TECPR2: variants seen among roughly 807,000 people sequenced by gnomAD.
TECPR2 encodes tectonin beta-propeller repeat containing 2, also known as tectonin beta-propeller repeat-containing protein 2.
In TECPR2, 65 loss-of-function variants were observed where a neutral mutation model predicts 138.1. The ratio of observed to expected loss-of-function variants is 0.47; its 90% CI spans 0.39 to 0.58. The LOEUF (loss-of-function observed/expected upper bound fraction) is 0.58. TECPR2 is among the 20% of genes least tolerant of loss of function. TECPR2 has a pLI of 0.00. For missense variants in TECPR2, 1,553 were observed against 1,824.5 expected (o/e 0.85, Z 2.71); for synonymous variants, 746 against 749.8 (o/e 0.99, Z 0.08).
chr14:102,428,122 G>C (rs1889373531), intron 6 of TECPR2, 128 bp from the exon 7 acceptor site: 5 of 1,256,186 alleles, frequency 4.0e-6, no homozygotes, highest in Non-Finnish European at 4.3e-6. Context: ...TTTTCAGAAA[G>C]TTACCATAGT....
chr14:102,398,072 C>CAAAAAAAAAAAAAAAAAAAAAA (rs560266373), intron 2 of TECPR2, among the ~76,000 whole-genome samples: 9 of 45,618 alleles, frequency 2.0e-4, no homozygotes, highest in Non-Finnish European at 2.3e-4. Flanking sequence ...GATTCTGTCT[C>CAAAAAAAAAAAAAAAAAAAAAA]AAAAAAAAAA....
rs774139446 is a variant in TECPR2 at position 102,501,409 on chromosome 14, A to C, written c.*3152A>C. The C allele has an allele frequency of 1.3e-5, 2 of 152,226 alleles. No individual in the cohort carries two copies. Among genetic ancestry groups the C allele is most frequent in the Non-Finnish European group, 2.9e-5 (2 of 68,058 alleles). The allele number at this position is 152,226 out of a possible 1,614,324, so 9.4% of individuals were successfully genotyped here. On this transcript the variant is annotated 3_prime_UTR_variant, in exon 20 of 20. Coordinates refer to ENST00000359520, the MANE Select transcript of TECPR2 (RefSeq NM_014844.5). ...TACAGAAATGCTGCTGGGCACAGTG[A>C]TGTGCAGTTATAGTCCCAGCTACTT...
At chr14:102,480,645 A>G (rs1356667744) in intron 17 of TECPR2, among the ~76,000 whole-genome samples, 1 of 151,592 alleles carries the variant, frequency 6.6e-6, no homozygotes, top group Non-Finnish European at 1.5e-5. Flanking sequence ...TCAGCCTCCA[A>G]AATGGCTAGG....
At chr14:102,386,459 G>A (rs1284744796) in intron 2 of TECPR2, among the ~76,000 whole-genome samples, 1 of 152,140 alleles carries the variant, frequency 6.6e-6, no homozygotes, top group Non-Finnish European at 1.5e-5. Flanking sequence ...GACAGAGCAA[G>A]ACTCTGTCTC....
chr14:102,456,072 T>C (rs1162114935), intron 16 of TECPR2, among the ~76,000 whole-genome samples: 1 of 152,188 alleles, frequency 6.6e-6, no homozygotes, highest in African/African-American at 2.4e-5. Flanking sequence ...CTCTCCTTTC[T>C]AATGGGAGCA....
chr14:102,425,066 A>T lies in TECPR2; in HGVS notation c.726A>T (p.Leu242=), dbSNP rs748794723. 7 of 1,613,996 alleles carry T rather than the reference A, an allele frequency of 4.3e-6. No individual in the cohort carries two copies. Among genetic ancestry groups the T allele is most frequent in the Admixed American group, 1.7e-5 (1 of 59,988 alleles). Residue 242 remains leucine, a synonymous_variant, in exon 6 of 20, where the codon CTA becomes CTT. Coordinates refer to ENST00000359520, the MANE Select transcript of TECPR2 (RefSeq NM_014844.5). ...TLYASRPGLR[L]WKADVHGTVQ... ...ATGCGTCACGGCCCGGGCTCCGGCT[A>T]TGGAAGGCTGATGTCCACGGGACTG...
intron 6 of TECPR2, among the ~76,000 whole-genome samples, chr14:102,427,861 C>T (rs957934313): frequency 6.6e-6 from 1 of 152,116 alleles, no homozygotes; most frequent in Admixed American, 6.5e-5. Context: ...ACAGAGGTGG[C>T]GTCTGGAGAG....
At chr14:102,446,194 G>C (rs1889975604) in intron 13 of TECPR2, among the ~76,000 whole-genome samples, 1 of 152,012 alleles carries the variant, frequency 6.6e-6, no homozygotes, top group Admixed American at 6.6e-5. Context: ...AGCCTCCCAG[G>C]TAGCTGGGAC....
chr14:102,409,873 C>T (rs906859670), intron 4 of TECPR2, among the ~76,000 whole-genome samples: 4 of 152,110 alleles, frequency 2.6e-5, no homozygotes, highest in African/African-American at 4.8e-5. Context: ...GGCGCGATCT[C>T]GGCTCACTGC....
rs575349762 is a variant in TECPR2, at chr14:102,398,088, A to G, written c.220-9250A>G. Reference sequence around the variant, plus strand: ...ATTCTGTCTCAAAAAAAAAAAAAAAAAAAGAAAAAAGAAAGAAAAGAAAAA... The same window carrying G: ...ATTCTGTCTCAAAAAAAAAAAAAAAGAAAGAAAAAAGAAAGAAAAGAAAAA... On this transcript the variant is annotated intron_variant, in intron 2 of 19. Transcript: ENST00000359520. Among the ~76,000 whole-genome samples the G allele has an allele frequency of 3.2e-3, 482 of 149,722 alleles. 1 individual carries two copies. The highest frequency in any genetic ancestry group is 9.4e-3 in the African/African-American group (387 of 41,116).
At chr14:102,427,327 T>C (rs527820358) in intron 6 of TECPR2, among the ~76,000 whole-genome samples, 21 of 152,234 alleles carry the variant, frequency 1.4e-4, no homozygotes, top group African/African-American at 5.1e-4. Flanking sequence ...CTTTACCCAG[T>C]AGGTATAATT....
intron 1 of TECPR2, among the ~76,000 whole-genome samples, chr14:102,373,571 A>G (rs1887563141): frequency 6.6e-6 from 1 of 152,170 alleles, no homozygotes. Context: ...TCAGCTTATG[A>G]CGGTTTTATT....
intron 2 of TECPR2, among the ~76,000 whole-genome samples, chr14:102,405,498 C>CA (rs34432416): frequency 2.0e-5 from 3 of 150,552 alleles, no homozygotes; most frequent in African/African-American, 4.9e-5. Flanking sequence ...TGGCTACTGT[C>CA]AAAAAAAAGA....
chr14:102,456,587 G>A (rs1444342051), intron 16 of TECPR2, among the ~76,000 whole-genome samples: 2 of 147,402 alleles, frequency 1.4e-5, no homozygotes, highest in East Asian at 2.0e-4. Flanking sequence ...TTTCCCTCTC[G>A]CTCTTTTTTT....
At chr14:102,450,468 T>C (rs1453640722) in intron 14 of TECPR2, 92 bp from the exon 15 acceptor site, 2 of 1,262,804 alleles carry the variant, frequency 1.6e-6, no homozygotes, top group African/African-American at 3.0e-5. Context: ...GAGAAAGGGT[T>C]TGAAGGCCAG....
At chr14:102,424,253 G>T (rs1889257064) in intron 5 of TECPR2, among the ~76,000 whole-genome samples, 1 of 152,180 alleles carries the variant, frequency 6.6e-6, no homozygotes, top group African/African-American at 2.4e-5. Flanking sequence ...TCTAAACATA[G>T]AAAAGGTACC....
intron 14 of TECPR2, 31 bp downstream of exon 14, chr14:102,449,900 C>T (rs756223619): frequency 2.5e-6 from 4 of 1,604,842 alleles, no homozygotes; most frequent in Non-Finnish European, 3.4e-6. Flanking sequence ...TTCACACTGG[C>T]TTTATAGGCA....
intron 17 of TECPR2, among the ~76,000 whole-genome samples, chr14:102,495,567 G>T (rs1241624935): frequency 6.6e-6 from 1 of 152,220 alleles, no homozygotes; most frequent in African/African-American, 2.4e-5. Flanking sequence ...TGGGGAGGCC[G>T]GGCGGCTGGG....
intron 13 of TECPR2, among the ~76,000 whole-genome samples, chr14:102,448,686 T>C (rs150805916): frequency 0.042 from 6,339 of 150,938 alleles, 157 homozygotes; most frequent in Middle Eastern, 0.094. Context: ...GCCAACATGG[T>C]GAAACCCCAT....
Sources: allele counts gnomAD v4.1 joint callset (sites outside exome capture counted in the v4.1 genomes callset), GRCh38; gene constraint gnomAD v4.1.1; transcripts MANE v1.5; gene names NCBI Gene and HGNC (gene_info 2026-07-23, HGNC 2026-07-21).